Variants in MARCHF6 observed in about 807,000 individuals in gnomAD.
MARCHF6 encodes the protein E3 ubiquitin-protein ligase MARCHF6.
MARCHF6 carries 31 observed loss-of-function variants against 133.7 expected under a neutral mutation model. The ratio of observed to expected loss-of-function variants is 0.23; its 90% CI spans 0.17 to 0.31. The LOEUF is 0.31. Ranked by LOEUF, MARCHF6 falls within the 10% of genes least tolerant of loss-of-function variation. The pLI is 1.00. For synonymous variants in MARCHF6, 395 were observed against 402.5 expected, an observed-to-expected ratio of 0.98 and a Z score of 0.22; for missense variants, 723 against 1,121.6, an observed-to-expected ratio of 0.64 and a Z score of 5.08.
At chr5:10,403,032 T>C (rs1738639056) in intron 14 of MARCHF6, among the ~76,000 whole-genome samples, 1 of 152,234 alleles carries the variant, frequency 6.6e-6, no homozygotes, top group Non-Finnish European at 1.5e-5. Flanking sequence ...TTTTTGATTG[T>C]TTCAAAAATA....
intron 5 of MARCHF6, among the ~76,000 whole-genome samples, chr5:10,389,846 A>C (rs1020391522): frequency 6.6e-6 from 1 of 152,174 alleles, no homozygotes; most frequent in African/African-American, 2.4e-5. Context: ...TGATTCTATT[A>C]ATTTGTGTGG....
intron 1 of MARCHF6, among the ~76,000 whole-genome samples, chr5:10,374,198 C>G (rs1475571017): frequency 1.3e-5 from 2 of 152,216 alleles, no homozygotes; most frequent in Non-Finnish European, 2.9e-5. Context: ...AGAACTCTTT[C>G]AAGGCCCTGT....
intron 4 of MARCHF6, among the ~76,000 whole-genome samples, chr5:10,384,224 A>T (rs1291978096): frequency 6.6e-6 from 1 of 152,350 alleles, no homozygotes; most frequent in South Asian, 2.1e-4. Context: ...GAATAAGCAT[A>T]AAACAAAATA....
chr5:10,390,260 A>C, intron 5 of MARCHF6, 72 bp from the exon 6 acceptor site: 1 of 1,354,274 alleles, frequency 7.4e-7, no homozygotes, highest in Non-Finnish European at 1.0e-6. Context: ...TAGTATAAGA[A>C]AATTTTTTAC....
intron 20 of MARCHF6, among the ~76,000 whole-genome samples, chr5:10,414,734 A>G (rs1181897112): frequency 1.3e-5 from 2 of 152,224 alleles, no homozygotes; most frequent in African/African-American, 2.4e-5. Context: ...TGGAAAAAAT[A>G]TACTGGAAAT....
chr5:10,372,528 T>A (rs1736534372), intron 1 of MARCHF6, among the ~76,000 whole-genome samples: 1 of 151,650 alleles, frequency 6.6e-6, no homozygotes, highest in African/African-American at 2.4e-5. Flanking sequence ...TAGGATTATT[T>A]TTTTTCCCCA....
chr5:10,411,266 G>T, intron 18 of MARCHF6, 67 bp from the exon 19 acceptor site: 1 of 1,217,200 alleles, frequency 8.2e-7, no homozygotes, highest in East Asian at 2.3e-5. Context: ...TGAAGAAAAT[G>T]AGTGTCATGT....
At chr5:10,426,055 G>C (rs1168965586) in intron 23 of MARCHF6, among the ~76,000 whole-genome samples, 2 of 152,210 alleles carry the variant, frequency 1.3e-5, no homozygotes, top group Non-Finnish European at 2.9e-5. Flanking sequence ...TTCATAAGAT[G>C]TATGAAGTTA....
intron 1 of MARCHF6, among the ~76,000 whole-genome samples, chr5:10,369,060 G>A (rs1736306187): frequency 1.3e-5 from 2 of 152,186 alleles, no homozygotes; most frequent in South Asian, 4.1e-4. Context: ...ATCCCTTACT[G>A]CATGCTTCCA....
intron 9 of MARCHF6, 76 bp downstream of exon 9, chr5:10,394,861 G>A (rs1023131437): frequency 3.3e-5 from 30 of 919,680 alleles, no homozygotes; most frequent in Middle Eastern, 3.3e-4. Context: ...CTGCAGTGGC[G>A]TGATCTTGGC....
In MARCHF6 at chr5:10,391,436, G is replaced by GTTTTTT. The variant is rs35378319; in HGVS notation, c.577-83_577-78dup. ...GCATGAGCCACTACACCTGGCCTAG[G>GTTTTTT]TTTTTTTTTTTTTTTTTTTTTTTTT... On this transcript the variant is annotated intron_variant, in intron 6 of 25. Transcript: ENST00000274140. 1.7e-4 allele frequency: 52 copies of GTTTTTT among 306,398 alleles called. 15 individuals carry two copies. The highest frequency in any genetic ancestry group is 4.7e-4 in the South Asian group (16 of 34,324). 19.0% of individuals were successfully genotyped at this position (306,398 alleles called of 1,614,324 possible).
intron 11 of MARCHF6, chr5:10,401,445 T>C (rs1265631022): frequency 6.5e-6 from 1 of 153,568 alleles, no homozygotes; most frequent in Non-Finnish European, 1.4e-5. Flanking sequence ...TTAGTACACC[T>C]CTGATTCTCA....
intron 22 of MARCHF6, among the ~76,000 whole-genome samples, chr5:10,422,789 T>G (rs1739891694): frequency 6.7e-6 from 1 of 148,936 alleles, no homozygotes; most frequent in Non-Finnish European, 1.5e-5. Context: ...AAAGTCCATA[T>G]GAAAATGATA....
At chr5:10,375,452 G>T (rs1364994323) in intron 1 of MARCHF6, among the ~76,000 whole-genome samples, 1 of 152,256 alleles carries the variant, frequency 6.6e-6, no homozygotes, top group African/African-American at 2.4e-5. Context: ...CACTCCATGG[G>T]CTCCTGTGCG....
intron 5 of MARCHF6, among the ~76,000 whole-genome samples, chr5:10,389,564 G>A (rs772095983): frequency 4.6e-5 from 7 of 152,056 alleles, no homozygotes; most frequent in Non-Finnish European, 8.8e-5. Flanking sequence ...CATCATGCCT[G>A]GCTAATTTTT....
At chr5:10,419,091 T>C (rs946074569) in intron 22 of MARCHF6, among the ~76,000 whole-genome samples, 1 of 152,204 alleles carries the variant, frequency 6.6e-6, no homozygotes, top group African/African-American at 2.4e-5. Context: ...GTTCATAGAC[T>C]AGAATAGGTG....
chr5:10,355,708 G>A lies in MARCHF6; in HGVS notation c.19+1791G>A, dbSNP rs575504100. On this transcript the variant is annotated intron_variant, in intron 1 of 25. Transcript: ENST00000274140. Reference sequence around the variant, plus strand: ...TTCATTTAATTCTCTCACATCGTTAGGTAGTCGGCATTTTCATTTTACAGA... The same window carrying A: ...TTCATTTAATTCTCTCACATCGTTAAGTAGTCGGCATTTTCATTTTACAGA... 4.6e-5 allele frequency among the ~76,000 whole-genome samples: 7 copies of A among 152,278 alleles called. No individual in the cohort carries two copies. The South Asian group carries it at 1.5e-3, about 32-fold the overall frequency.
intron 1 of MARCHF6, among the ~76,000 whole-genome samples, chr5:10,371,511 G>A (rs1736462034): frequency 6.6e-6 from 1 of 152,208 alleles, no homozygotes; most frequent in South Asian, 2.1e-4. Flanking sequence ...AAAAGAGAGA[G>A]CAAGTGAGCT....
rs890015706 is a variant in MARCHF6, at chr5:10,354,003, T to G, written c.19+86T>G. 4 of 1,362,478 alleles carry G rather than the reference T, an allele frequency of 2.9e-6. No homozygotes were observed. In the African/African-American group the frequency reaches 4.6e-5, roughly 16 times the overall value. 84.4% of individuals were successfully genotyped at this position (1,362,478 alleles called of 1,614,324 possible). A position where few individuals can be genotyped will look rare whatever the true frequency, so the allele number is the denominator to read the frequency against. Reference sequence around the variant, plus strand: ...CAGGTCCGCGGCGCTCGAGGTGGGCTGCTGGATCGCGGCGGGGCGGACGCC... The same window carrying G: ...CAGGTCCGCGGCGCTCGAGGTGGGCGGCTGGATCGCGGCGGGGCGGACGCC... On this transcript the variant is annotated intron_variant, in intron 1 of 25. Coordinates refer to ENST00000274140, the MANE Select transcript of MARCHF6 (RefSeq NM_005885.4).
Sources: gnomAD v4.1 joint callset for allele counts (sites outside exome capture counted in the v4.1 genomes callset) on GRCh38, gnomAD v4.1.1 for gene constraint, MANE v1.5 for transcripts, NCBI Gene and HGNC (gene_info 2026-07-23, HGNC 2026-07-21) for gene names.